The following TUT4 variants were observed in gnomAD, a reference collection of about 807,000 sequenced individuals.
The protein encoded by TUT4 is terminal uridylyl transferase 4.
TUT4 carries 36 observed loss-of-function variants against 192.2 expected under a neutral mutation model. That is an observed-to-expected ratio of 0.19 (90% CI 0.14 to 0.25). The LOEUF is 0.25. Among genes scored for constraint, TUT4 ranks in the 10% least tolerant of loss-of-function variants. The pLI, the probability that TUT4 is intolerant of heterozygous loss-of-function variation, is 1.00. For synonymous variants in TUT4, 618 were observed against 666.0 expected, an observed-to-expected ratio of 0.93 and a Z score of 1.11; for missense variants, 1,493 against 1,957.2, an observed-to-expected ratio of 0.76 and a Z score of 4.47.
chr1:52,446,070 T>C, intron 22 of TUT4, 66 bp from the exon 23 acceptor site: 1 of 1,483,302 alleles, frequency 6.7e-7, no homozygotes, highest in Non-Finnish European at 9.2e-7. Flanking sequence ...TACTTAGAAG[T>C]CACCGCTGAA....
intron 4 of TUT4, among the ~76,000 whole-genome samples, chr1:52,506,471 C>G (rs780981157): frequency 1.8e-4 from 27 of 152,096 alleles, no homozygotes; most frequent in Non-Finnish European, 2.8e-4. Context: ...GATCAATTAT[C>G]CAGAGCTCAT....
chr1:52,448,756 A>C (rs1258493547), intron 20 of TUT4, among the ~76,000 whole-genome samples: 1 of 152,156 alleles, frequency 6.6e-6, no homozygotes, highest in African/African-American at 2.4e-5. Flanking sequence ...ATGTTTTGTA[A>C]ACACAGATTT....
At chr1:52,437,527 TTAA>T (rs774021331) in intron 25 of TUT4, 1 of 152,656 alleles carries the variant, frequency 6.6e-6, no homozygotes, top group Non-Finnish European at 1.5e-5. Flanking sequence ...AAGAATTCCA[TTAA>T]TTGTATTTTA....
intron 1 of TUT4, among the ~76,000 whole-genome samples, chr1:52,543,050 C>T (rs1390746845): frequency 2.6e-5 from 4 of 152,236 alleles, no homozygotes; most frequent in East Asian, 1.9e-4. Context: ...CCACCATGCC[C>T]GGCCTGTGTT....
chr1:52,513,479 T>C (rs1444047303), intron 3 of TUT4, among the ~76,000 whole-genome samples: 1 of 143,886 alleles, frequency 6.9e-6, no homozygotes, highest in African/African-American at 2.6e-5. Flanking sequence ...GTACAATGAA[T>C]TGAAAATAAG....
intron 12 of TUT4, among the ~76,000 whole-genome samples, chr1:52,476,665 G>GAA (rs534465730): frequency 6.7e-6 from 1 of 150,074 alleles, no homozygotes; most frequent in African/African-American, 2.4e-5. Flanking sequence ...GGAAAAGAAA[G>GAA]AAAAAAAAAG....
chr1:52,551,641 T>C (rs192710951), intron 1 of TUT4, among the ~76,000 whole-genome samples: 73 of 152,346 alleles, frequency 4.8e-4, no homozygotes, highest in African/African-American at 1.4e-3. Context: ...TGTAGTGACA[T>C]ACATGAGTTC....
chr1:52,431,576 A>G (rs1652082212), intron 27 of TUT4, 116 bp from the exon 28 acceptor site: 3 of 805,506 alleles, frequency 3.7e-6, no homozygotes, highest in Non-Finnish European at 5.3e-6. Context: ...GATGTATATC[A>G]TAACAAATAA....
chr1:52,473,029 A>C (rs1666189743), intron 13 of TUT4, among the ~76,000 whole-genome samples: 1 of 152,174 alleles, frequency 6.6e-6, no homozygotes. Context: ...TGACATATTT[A>C]GGCAGGAAAC....
At chr1:52,513,873 G>A (rs929109198) in intron 3 of TUT4, among the ~76,000 whole-genome samples, 1 of 152,032 alleles carries the variant, frequency 6.6e-6, no homozygotes, top group Non-Finnish European at 1.5e-5. Context: ...TATTTATTCT[G>A]ACAATGGACA....
Position 52,461,257 on chromosome 1 carries a change from A to C in TUT4, c.3232-34T>G, listed in dbSNP as rs778899716. The C allele has an allele frequency of 1.4e-5, 21 of 1,554,758 alleles. No individual in the cohort carries two copies. The South Asian group carries it at 2.4e-4, about 18-fold the overall frequency. On this transcript the variant is annotated intron_variant, in intron 18 of 29. Transcript: ENST00000257177. ...TAATTACATATTTGAAAGGATTTCA[A>C]ATTTCGTAAAATTAAACTACAAATC...
intron 4 of TUT4, among the ~76,000 whole-genome samples, chr1:52,500,710 C>CGA (rs1557864315): frequency 2.6e-5 from 4 of 151,922 alleles, no homozygotes; most frequent in African/African-American, 9.7e-5. Context: ...TGCAATGAGC[C>CGA]GAGATTGTGC....
Position 52,505,736 on chromosome 1 carries a change from T to C in TUT4, c.999+3860A>G, listed in dbSNP as rs570578088. On this transcript the variant is annotated intron_variant, in intron 4 of 29. Coordinates refer to ENST00000257177, the MANE Select transcript of TUT4 (RefSeq NM_001009881.3). ...CGCACCTGGCTGTGCTTAGACTTTTTATCAAAGCATTTTTGAAAACGCTTT... is the reference window on the plus strand; with the variant it reads ...CGCACCTGGCTGTGCTTAGACTTTTCATCAAAGCATTTTTGAAAACGCTTT... Among the ~76,000 whole-genome samples, 21 of 152,112 alleles carry C rather than the reference T, an allele frequency of 1.4e-4. No homozygotes were observed. In the East Asian group the frequency reaches 3.9e-3, roughly 28 times the overall value.
intron 4 of TUT4, among the ~76,000 whole-genome samples, chr1:52,507,162 G>T (rs746332421): frequency 2.6e-5 from 4 of 152,170 alleles, no homozygotes; most frequent in Non-Finnish European, 5.9e-5. Context: ...CTTTCCCTGG[G>T]TTCAGGAAGC....
At chr1:52,505,418 C>CTTTTT (rs35140317) in intron 4 of TUT4, among the ~76,000 whole-genome samples, 8 of 109,534 alleles carry the variant, frequency 7.3e-5, no homozygotes, top group Non-Finnish European at 1.1e-4. Context: ...TTTGCTTAGA[C>CTTTTT]TTTTTTTTTT....
At chr1:52,519,672 G>T (rs1307460525) in intron 2 of TUT4, among the ~76,000 whole-genome samples, 11 of 152,042 alleles carry the variant, frequency 7.2e-5, no homozygotes, top group Admixed American at 7.2e-4. Context: ...ACCACGCCCA[G>T]CTAATTTTGT....
chr1:52,512,560 CACA>C (rs753287241), intron 3 of TUT4, among the ~76,000 whole-genome samples: 6 of 152,188 alleles, frequency 3.9e-5, no homozygotes, highest in Non-Finnish European at 8.8e-5. Context: ...ACATATTGGG[CACA>C]ACATCAAATC....
intron 3 of TUT4, among the ~76,000 whole-genome samples, chr1:52,511,771 T>G (rs1677224378): frequency 6.6e-6 from 1 of 152,216 alleles, no homozygotes; most frequent in Non-Finnish European, 1.5e-5. Context: ...TTGTGAAGAC[T>G]CTGGCTTTTA....
chr1:52,509,639 G>A lies in TUT4; in HGVS notation c.956C>T (p.Ala319Val), dbSNP rs1200501843. ...TCGTTTCTCCTTTATATGTTTATGA[G>A]CCCCCTGGATATTTTCAATGTGAAT... ...CLIHIENIQGAHKHIKEKRHK... is the reference protein window; with the variant it reads ...CLIHIENIQGVHKHIKEKRHK... Residue 319 changes from alanine (A) to valine (V), a missense_variant, in exon 4 of 30, where the codon GCT becomes GTT. Transcript: ENST00000257177. 6.2e-7 allele frequency: 1 copy of A among 1,608,836 alleles called. No individual in the cohort carries two copies. Among genetic ancestry groups the A allele is most frequent in the Non-Finnish European group, 8.5e-7 (1 of 1,176,048 alleles).
Sources: allele counts gnomAD v4.1 joint callset (sites outside exome capture counted in the v4.1 genomes callset), GRCh38; gene constraint gnomAD v4.1.1; transcripts MANE v1.5; gene names NCBI Gene and HGNC (gene_info 2026-07-23, HGNC 2026-07-21).